FCRL5: variants seen among roughly 807,000 people sequenced by gnomAD.
FCRL5 encodes Fc receptor-like protein 5.
In FCRL5, 79 loss-of-function variants were observed where a neutral mutation model predicts 92.1. The ratio of observed to expected loss-of-function variants is 0.86; its 90% confidence interval spans 0.72 to 1.03. FCRL5 has a LOEUF of 1.03. Ranked by LOEUF, FCRL5 falls within the 50% of genes least tolerant of loss-of-function variation. FCRL5 has a pLI of 0.00. For synonymous variants in FCRL5, 466 were observed against 469.3 expected (o/e 0.99, Z 0.09); for missense variants, 1,160 against 1,181.1 (o/e 0.98, Z 0.26).
Position 157,515,560 on chromosome 1 carries a change from A to G in FCRL5, c.*115T>C, listed in dbSNP as rs760108197. On this transcript the variant is annotated 3_prime_UTR_variant, in exon 17 of 17. Transcript: ENST00000361835. ...CTGAGAATGAGGACATGTGAAACAA[A>G]GGCCAGTAGATATGGTCTGGGGCAG... The G allele has an allele frequency of 3.7e-6, 6 of 1,606,784 alleles. No individual in the cohort carries two copies. The Admixed American group carries it at 6.7e-5, about 18-fold the overall frequency.
intron 1 of FCRL5, among the ~76,000 whole-genome samples, 186 bp from the exon 2 acceptor site, chr1:157,549,766 G>A (rs1428237706): frequency 1.3e-5 from 2 of 151,594 alleles, no homozygotes; most frequent in African/African-American, 4.9e-5. Flanking sequence ...ATATATATAT[G>A]GCATGGTATT....
At chr1:157,535,225 T>TCCTGCAACCATGCAGGCTTC (rs986163608) in intron 7 of FCRL5, among the ~76,000 whole-genome samples, 1 of 152,344 alleles carries the variant, frequency 6.6e-6, no homozygotes, top group African/African-American at 2.4e-5. Flanking sequence ...CCTCACTTCT[T>TCCTGCAACCATGCAGGCTTC]CCTGCAACCA....
intron 7 of FCRL5, among the ~76,000 whole-genome samples, chr1:157,537,663 T>TGGCTTAAGG (rs1651031597): frequency 1.3e-5 from 2 of 152,192 alleles, no homozygotes; most frequent in South Asian, 4.1e-4. Context: ...GCTGGTTTTA[T>TGGCTTAAGG]GGCTTAAGGG....
chr1:157,540,539 A>G (rs571033943), intron 6 of FCRL5, among the ~76,000 whole-genome samples: 2,290 of 151,596 alleles, frequency 0.015, 59 homozygotes, highest in African/African-American at 0.051. Flanking sequence ...AAAAAAAAAA[A>G]CCATCAGACA....
chr1:157,521,057 G>A lies in FCRL5; in HGVS notation c.2475C>T (p.Leu825=). 6.2e-7 allele frequency: 1 copy of A among 1,613,828 alleles called. No individual in the cohort carries two copies. The highest frequency in any genetic ancestry group is 8.5e-7 in the Non-Finnish European group (1 of 1,179,876). Residue 825 remains leucine, a synonymous_variant, in exon 11 of 17, where the codon CTC becomes CTT. Coordinates refer to ENST00000361835, the MANE Select transcript of FCRL5 (RefSeq NM_031281.3). ...TCACTGTCTCACTGCGCTGGGCCCC[G>A]AGGCCATTGTCGGCCTCACAGGAGT... ...GNYSCEADNG[L]GAQRSETVTL...
At chr1:157,535,772 G>A (rs1477017226) in intron 7 of FCRL5, among the ~76,000 whole-genome samples, 2 of 151,990 alleles carry the variant, frequency 1.3e-5, no homozygotes, top group Non-Finnish European at 2.9e-5. Context: ...AATTCAATGA[G>A]GTAGGTATTA....
chr1:157,532,641 T>C (rs912629369), intron 8 of FCRL5: 15 of 152,300 alleles, frequency 9.8e-5, no homozygotes, highest in African/African-American at 3.4e-4. Flanking sequence ...TATATCTAAA[T>C]CAGTGGTTTC....
chr1:157,545,167 A>G lies in FCRL5; in HGVS notation c.308-85T>C, dbSNP rs1393026932. On this transcript the variant is annotated intron_variant, in intron 3 of 16. Coordinates refer to ENST00000361835, the MANE Select transcript of FCRL5 (RefSeq NM_031281.3). Reference sequence around the variant, plus strand: ...GTTTTTCCAAGTAGATTTTATTTTAAAAAAATGGGTTGGGAAAAAGAACTC... The same window carrying G: ...GTTTTTCCAAGTAGATTTTATTTTAGAAAAATGGGTTGGGAAAAAGAACTC... 2.0e-6 allele frequency: 3 copies of G among 1,465,176 alleles called. No homozygotes were observed. The East Asian group carries it at 7.0e-5, about 34-fold the overall frequency. 90.8% of individuals were successfully genotyped at this position (1,465,176 alleles called of 1,614,324 possible).
chr1:157,522,582 G>A (rs1242900319), intron 10 of FCRL5: 1 of 152,238 alleles, frequency 6.6e-6, no homozygotes, highest in Non-Finnish European at 1.5e-5. Context: ...GGAACCTGGT[G>A]AAGGCTCAGT....
rs770208199 is a variant in FCRL5 at position 157,544,335 on chromosome 1, GAACC to G, written c.767_770del (p.Gly256AlafsTer41). ...GCATTGTTGCTGCCTTACACCAGTAGAACCCTGAATCTTTACTCCACATGGCAGT... is the reference window on the plus strand; with the variant it reads ...GCATTGTTGCTGCCTTACACCAGTAGCTGAATCTTTACTCCACATGGCAGT... On this transcript the variant is annotated frameshift_variant, in exon 5 of 17. Transcript: ENST00000361835. LOFTEE classifies it high-confidence loss of function. 1 of 1,614,198 alleles carries G rather than the reference GAACC, an allele frequency of 6.2e-7. No individual in the cohort carries two copies. The highest frequency in any genetic ancestry group is 2.2e-5 in the East Asian group (1 of 44,880).
chr1:157,520,839 C>G (rs1650148714), intron 11 of FCRL5, among the ~76,000 whole-genome samples, 178 bp downstream of exon 11: 1 of 152,378 alleles, frequency 6.6e-6, no homozygotes, highest in East Asian at 1.9e-4. Context: ...AACCCGCGCT[C>G]TCAGCCCCAA....
chr1:157,552,327 C>T lies in FCRL5; in HGVS notation c.31+5G>A, dbSNP rs751215968. On this transcript the variant is annotated splice_donor_5th_base_variant and intron_variant, in intron 1 of 16. Transcript: ENST00000361835. ...CCAGGGCCCATGGTGAGCCCTTTTA[C>T]TCACCCAGGACCAGTAATATCACCC... 3.1e-6 allele frequency: 5 copies of T among 1,613,888 alleles called. No individual in the cohort carries two copies. Among genetic ancestry groups the T allele is most frequent in the African/African-American group, 1.3e-5 (1 of 74,912 alleles).
rs1650496503 is a variant in FCRL5 at position 157,527,717 on chromosome 1, G to A, written c.1860C>T (p.Phe620=). ...SSAPSGGEAS[F]NLSLTAEHSG... ...AATGTTCTGCAGTCAGAGAGAGGTTGAAAGAAGCTTCTCCTCCAGAGGGGG... is the reference window on the plus strand; with the variant it reads ...AATGTTCTGCAGTCAGAGAGAGGTTAAAAGAAGCTTCTCCTCCAGAGGGGG... Residue 620 remains phenylalanine, a synonymous_variant, in exon 9 of 17, where the codon TTC becomes TTT. Transcript: ENST00000361835. The A allele has an allele frequency of 7.4e-6, 12 of 1,614,198 alleles. No individual in the cohort carries two copies. Among genetic ancestry groups the A allele is most frequent in the African/African-American group, 1.3e-5 (1 of 75,052 alleles).
At chr1:157,530,747 G>T (rs1292866728) in intron 8 of FCRL5, among the ~76,000 whole-genome samples, 1 of 152,204 alleles carries the variant, frequency 6.6e-6, no homozygotes, top group Non-Finnish European at 1.5e-5. Context: ...ATGGATGTTT[G>T]GGATGTTGTT....
At chr1:157,518,260 G>A (rs1650016392) in intron 15 of FCRL5, among the ~76,000 whole-genome samples, 169 bp downstream of exon 15, 1 of 152,138 alleles carries the variant, frequency 6.6e-6, no homozygotes, top group African/African-American at 2.4e-5. Flanking sequence ...AGAGTGCAGG[G>A]GAGGCTTGGA....
At position 157,544,438 on chromosome 1, in the gene FCRL5, G is replaced by T; in HGVS notation, c.668C>A (p.Pro223Gln). Reference protein sequence around the residue: ...TQLSLERSDVPLRFRFFRDDQ... With the variant: ...TQLSLERSDVQLRFRFFRDDQ... ...ATCTCTGAAGAAGCGGAACCGGAGCGGGACATCTGACCTCTCTAGAGAGAG... is the reference window on the plus strand; with the variant it reads ...ATCTCTGAAGAAGCGGAACCGGAGCTGGACATCTGACCTCTCTAGAGAGAG... The change falls in exon 5 of 17, where the codon CCG becomes CAG. Residue 223 changes from proline to glutamine, a missense_variant. Physicochemically the swap from Pro to Gln is moderately conservative, Grantham distance 76. Coordinates refer to ENST00000361835, the MANE Select transcript of FCRL5 (RefSeq NM_031281.3). The T allele has an allele frequency of 6.2e-7, 1 of 1,614,190 alleles. No homozygotes were observed. The highest frequency in any genetic ancestry group is 8.5e-7 in the Non-Finnish European group (1 of 1,180,036).
rs746377530 is a variant in FCRL5, at chr1:157,515,691, G to A, written c.2918C>T (p.Ser973Leu). The change falls in exon 17 of 17, where the codon TCA becomes TTA. Residue 973 changes from serine to leucine, a missense_variant. Coordinates refer to ENST00000361835, the MANE Select transcript of FCRL5 (RefSeq NM_031281.3). The stretch of plus-strand genomic sequence containing the variant: ...CGTGTGGACTCATCTGTGAGGAGCT[G>A]AGGAAGCCAAGAACAGGGATCCGGA... ...PVSGSLFLAS[S>L]APHR 1.4e-5 allele frequency: 22 copies of A among 1,614,074 alleles called. No homozygotes were observed. Among genetic ancestry groups the A allele is most frequent in the Non-Finnish European group, 1.9e-5 (22 of 1,180,038 alleles).
chr1:157,529,606 TG>T (rs1650599487), intron 8 of FCRL5, among the ~76,000 whole-genome samples: 1 of 152,144 alleles, frequency 6.6e-6, no homozygotes, highest in Non-Finnish European at 1.5e-5. Context: ...TGTGTGTGTG[TG>T]TGTGTGTGTA....
chr1:157,544,929 G>A lies in FCRL5; in HGVS notation c.461C>T (p.Pro154Leu). Residue 154 changes from proline to leucine, a missense_variant, in exon 4 of 17, where the codon CCT becomes CTT. By Grantham distance (98) the Pro-to-Leu change is moderately conservative (BLOSUM62 -3). Coordinates refer to ENST00000361835, the MANE Select transcript of FCRL5 (RefSeq NM_031281.3). ...FLNKRTDFHIPHACLKDNGAY... is the reference protein window; with the variant it reads ...FLNKRTDFHILHACLKDNGAY... ...ACCATTGTCCTTGAGACATGCATGA[G>A]GAATATGGAAGTCAGTTCTTTTATT... The A allele has an allele frequency of 1.2e-6, 2 of 1,614,146 alleles. No individual in the cohort carries two copies. Among genetic ancestry groups the A allele is most frequent in the Non-Finnish European group, 1.7e-6 (2 of 1,179,978 alleles).
Sources: allele counts gnomAD v4.1 joint callset (sites outside exome capture counted in the v4.1 genomes callset), GRCh38; gene constraint gnomAD v4.1.1; transcripts MANE v1.5; gene names NCBI Gene and HGNC (gene_info 2026-07-23, HGNC 2026-07-21).